MAPK8IP3: variants seen among roughly 807,000 people sequenced by gnomAD.
The protein encoded by MAPK8IP3 is mitogen-activated protein kinase 8 interacting protein 3, also known as C-Jun-amino-terminal kinase-interacting protein 3.
In MAPK8IP3, 49 loss-of-function variants were observed where a neutral mutation model predicts 157.8. That is an observed-to-expected ratio of 0.31 (90% confidence interval 0.25 to 0.39). The LOEUF (loss-of-function observed/expected upper bound fraction) is 0.39, where lower values mean the gene tolerates loss of function less well. Among genes scored for constraint, MAPK8IP3 ranks in the 10% least tolerant of loss-of-function variants. MAPK8IP3 has a pLI of 1.00. For synonymous variants in MAPK8IP3, 897 were observed against 777.7 expected (o/e 1.15, Z -2.55); for missense variants, 1,478 against 1,889.4 (o/e 0.78, Z 4.04).
At chr16:1,711,957 A>AG (rs1332486114) in intron 1 of MAPK8IP3, among the ~76,000 whole-genome samples, 1 of 150,464 alleles carries the variant, frequency 6.6e-6, no homozygotes, top group South Asian at 2.1e-4. Flanking sequence ...AAAAAAAAAA[A>AG]GAAAAAAAAA....
chr16:1,767,764 GGGT>G, intron 27 of MAPK8IP3, 29 bp downstream of exon 27: 2 of 1,611,920 alleles, frequency 1.2e-6, no homozygotes, highest in East Asian at 2.2e-5. Context: ...TGGGGTGGTG[GGGT>G]GCTCAAGGCC....
intron 4 of MAPK8IP3, among the ~76,000 whole-genome samples, chr16:1,736,048 G>A (rs566528369): frequency 2.6e-4 from 33 of 127,148 alleles, no homozygotes; most frequent in African/African-American, 9.5e-4. Flanking sequence ...CCGTGTGAGC[G>A]TGTGACCGTC....
At chr16:1,758,295 T>A (rs2041736343) in intron 9 of MAPK8IP3, 136 bp downstream of exon 9, 2 of 977,364 alleles carry the variant, frequency 2.0e-6, no homozygotes, top group Non-Finnish European at 3.1e-6. Context: ...CTGCTTCTGC[T>A]CGCAGCCACC....
chr16:1,767,314 GC>G lies in MAPK8IP3; in HGVS notation c.3237+21del. On this transcript the variant is annotated intron_variant, in intron 26 of 31. Coordinates refer to ENST00000610761, the MANE Select transcript of MAPK8IP3 (RefSeq NM_001318852.2). ...CAGATAGAGGCGAGTGCCGGCCAGG[GC>G]CCCGGGGAGGGGAAGAGGCTCCTGC... is the stretch of plus-strand genomic sequence containing the variant. The G allele has an allele frequency of 1.2e-6, 2 of 1,612,394 alleles. No homozygotes were observed. The highest frequency in any genetic ancestry group is 1.7e-6 in the Non-Finnish European group (2 of 1,179,640).
chr16:1,767,705 G>A lies in MAPK8IP3; in HGVS notation c.3379G>A (p.Asp1127Asn). The part of the protein sequence containing the change: ...AHTHQHLQDV[D>N]IEPYVSKMLG... ...CACGCACCAGCATCTACAGGACGTG[G>A]ACATTGAGCCCTACGTCAGCAAGAT... The change falls in exon 27 of 32, where the codon GAC becomes AAC. Residue 1127 changes from aspartate to asparagine, a missense_variant. This residue lies in a region of MAPK8IP3 where 68 missense variants were observed against 125.1 expected (regional missense o/e 0.54). Transcript: ENST00000610761. 6.2e-7 allele frequency: 1 copy of A among 1,612,792 alleles called. No homozygotes were observed. The highest frequency in any genetic ancestry group is 8.5e-7 in the Non-Finnish European group (1 of 1,179,966).
intron 1 of MAPK8IP3, among the ~76,000 whole-genome samples, chr16:1,717,251 A>AG (rs34887531): frequency 0.079 from 11,570 of 147,182 alleles, 566 homozygotes; most frequent in African/African-American, 0.13. Context: ...AAAAAAAAAA[A>AG]AAAGAAAGAA....
intron 1 of MAPK8IP3, among the ~76,000 whole-genome samples, chr16:1,721,584 G>C (rs1304887042): frequency 1.3e-5 from 2 of 152,082 alleles, no homozygotes; most frequent in African/African-American, 2.4e-5. Flanking sequence ...CAGCCTCCCA[G>C]CTCACTGGAA....
At position 1,741,414 on chromosome 16, in the gene MAPK8IP3, A is replaced by T. The variant is rs1001624995; in HGVS notation, c.603-1918A>T. Among the ~76,000 whole-genome samples the T allele has an allele frequency of 6.6e-6, 1 of 152,120 alleles. No homozygotes were observed. Among genetic ancestry groups the T allele is most frequent in the South Asian group, 2.1e-4 (1 of 4,824 alleles). On this transcript the variant is annotated intron_variant, in intron 4 of 31. Coordinates refer to ENST00000610761, the MANE Select transcript of MAPK8IP3 (RefSeq NM_001318852.2). This position sits in a 1 kb window ranked among gnomAD's most constrained non-coding sequence, Gnocchi z 6.9. ...TGGTGGCCTGGCTGAGCCGTGGCCCAGCATGGAGCTGTGTGGGTGGGAGAG... is the reference window on the plus strand; with the variant it reads ...TGGTGGCCTGGCTGAGCCGTGGCCCTGCATGGAGCTGTGTGGGTGGGAGAG...
rs537604826 is a variant in MAPK8IP3, at chr16:1,741,384, G to A, written c.603-1948G>A. 3.6e-4 allele frequency among the ~76,000 whole-genome samples: 55 copies of A among 152,252 alleles called. No homozygotes were observed. Among genetic ancestry groups the A allele is most frequent in the African/African-American group, 1.2e-3 (51 of 41,546 alleles). On this transcript the variant is annotated intron_variant, in intron 4 of 31. Transcript: ENST00000610761. This position sits in a 1 kb window ranked among gnomAD's most constrained non-coding sequence, Gnocchi z 6.9. ...CTCCTGATCCTGGGTGATTTCTGTC[G>A]GAGGTGGTGGCCTGGCTGAGCCGTG...
Position 1,769,166 on chromosome 16 carries a change from C to G in MAPK8IP3, c.*342C>G, listed in dbSNP as rs766865742. 5 of 316,238 alleles carry G rather than the reference C, an allele frequency of 1.6e-5. No individual in the cohort carries two copies. The highest frequency in any genetic ancestry group is 2.4e-5 in the Non-Finnish European group (4 of 165,666). 19.6% of individuals were successfully genotyped at this position (316,238 alleles called of 1,614,324 possible). On this transcript the variant is annotated 3_prime_UTR_variant, in exon 32 of 32. Transcript: ENST00000610761. ...TCCTGGCTCTACCCTGGGCCTCCTA[C>G]TCCCCAGCACCCCTGGAGGAGGCAG... is the stretch of plus-strand genomic sequence containing the variant.
chr16:1,739,254 G>T lies in MAPK8IP3; in HGVS notation c.603-4078G>T, dbSNP rs184628345. Among the ~76,000 whole-genome samples, 1,023 of 125,952 alleles carry T rather than the reference G, an allele frequency of 8.1e-3. 19 individuals are homozygous for T. The highest frequency in any genetic ancestry group is 0.031 in the African/African-American group (970 of 31,044). 82.6% of individuals were successfully genotyped at this position (125,952 alleles called of 152,430 possible). ...TCCGTGAGAGTGTGACCATCCATGT[G>T]AGCATCTGTGTGACCGTCCGTGTGA... On this transcript the variant is annotated intron_variant, in intron 4 of 31. Transcript: ENST00000610761.
intron 9 of MAPK8IP3, 143 bp from the exon 10 acceptor site, chr16:1,758,835 A>G (rs1479183066): frequency 1.3e-6 from 1 of 785,448 alleles, no homozygotes; most frequent in African/African-American, 1.7e-5. Context: ...TCCCTCCTGC[A>G]CCCACCCTAA....
intron 20 of MAPK8IP3, 128 bp downstream of exon 20, chr16:1,765,306 C>T (rs576643881): frequency 4.3e-5 from 50 of 1,160,034 alleles, no homozygotes; most frequent in Middle Eastern, 2.7e-4. Flanking sequence ...TGGCAGTGGA[C>T]GGTGGGAGGG....
chr16:1,765,871 C>T lies in MAPK8IP3; in HGVS notation c.2447-89C>T, dbSNP rs142741350. The T allele has an allele frequency of 8.3e-5, 104 of 1,256,766 alleles. 1 individual carries two copies. The African/African-American group carries it at 1.1e-3, about 14-fold the overall frequency. The allele number at this position is 1,256,766 out of a possible 1,614,324, so 77.9% of individuals were successfully genotyped here. ...TGCTGGGAAAGTGGAAGGCCAGCCC[C>T]GGCTTCCTCTGCCCCTGTGTAAGTG... On this transcript the variant is annotated intron_variant, in intron 20 of 31. Coordinates refer to ENST00000610761, the MANE Select transcript of MAPK8IP3 (RefSeq NM_001318852.2).
chr16:1,732,135 G>C (rs1255503303), intron 4 of MAPK8IP3, among the ~76,000 whole-genome samples: 2 of 152,218 alleles, frequency 1.3e-5, no homozygotes, highest in Admixed American at 6.5e-5. Flanking sequence ...CCAGAGACGC[G>C]ACCTGGGCTG....
At position 1,765,147 on chromosome 16, in the gene MAPK8IP3, C is replaced by A; in HGVS notation, c.2415C>A (p.Asn805Lys). 5 of 1,608,262 alleles carry A rather than the reference C, an allele frequency of 3.1e-6. No individual in the cohort carries two copies. The highest frequency in any genetic ancestry group is 4.3e-6 in the Non-Finnish European group (5 of 1,176,230). The change falls in exon 20 of 32, where the codon AAC (asparagine) becomes AAA (lysine). Residue 805 changes from asparagine to lysine, a missense_variant. Transcript: ENST00000610761. The part of the protein sequence containing the change: ...GTVVDQFTVC[N>K]AHVLCISSIP... Reference sequence around the variant, plus strand: ...TGGTGGACCAGTTCACCGTCTGCAACGCGCACGTGCTGTGCATCTCCAGCA... The same window carrying A: ...TGGTGGACCAGTTCACCGTCTGCAAAGCGCACGTGCTGTGCATCTCCAGCA...
chr16:1,729,159 A>G lies in MAPK8IP3; in HGVS notation c.461A>G (p.Glu154Gly). 6.2e-7 allele frequency: 1 copy of G among 1,614,058 alleles called. No homozygotes were observed. Among genetic ancestry groups the G allele is most frequent in the Non-Finnish European group, 8.5e-7 (1 of 1,179,986 alleles). ...ADQISRLEER[E>G]SEMKKEYNAL... ...CCAGTTTCCCGGTTGGAGGAGCGGGAGTCGGAGATGAAGAAGGAGTACAAT... is the reference window on the plus strand; with the variant it reads ...CCAGTTTCCCGGTTGGAGGAGCGGGGGTCGGAGATGAAGAAGGAGTACAAT... The change falls in exon 3 of 32, where the codon GAG (glutamate) becomes GGG (glycine). Residue 154 changes from glutamate to glycine, a missense_variant. Glu to Gly is a moderately conservative substitution (Grantham distance 98). This residue lies in a region of MAPK8IP3 where 315 missense variants were observed against 394.4 expected (regional missense o/e 0.80). Transcript: ENST00000610761.
Position 1,706,606 on chromosome 16 carries a change from G to A in MAPK8IP3, c.267G>A (p.Gln89=). ...ELELLREDNE[Q]LLTQYEREKA... ...AGCTGCTGCGCGAGGACAACGAGCA[G>A]CTGCTCACCCAGTACGAGCGTGAGA... Residue 89 remains glutamine, a synonymous_variant, in exon 1 of 32, where the codon CAG becomes CAA. Coordinates refer to ENST00000610761, the MANE Select transcript of MAPK8IP3 (RefSeq NM_001318852.2). This position sits in a 1 kb window ranked among gnomAD's most constrained non-coding sequence, Gnocchi z 5.1. The A allele has an allele frequency of 6.2e-7, 1 of 1,601,292 alleles. No homozygotes were observed. The highest frequency in any genetic ancestry group is 8.5e-7 in the Non-Finnish European group (1 of 1,174,268).
chr16:1,758,246 G>A (rs978312270), intron 9 of MAPK8IP3, 87 bp downstream of exon 9: 122 of 1,504,190 alleles, frequency 8.1e-5, no homozygotes, highest in Non-Finnish European at 1.0e-4. Flanking sequence ...TCCCGTCACC[G>A]TGGCTGTGTG....
Sources: gnomAD v4.1 joint callset for allele counts (sites outside exome capture counted in the v4.1 genomes callset) on GRCh38, gnomAD v4.1.1 for gene constraint, gnomAD v4.1.1 regional missense constraint, Gnocchi (gnomAD v3.1) non-coding constraint, MANE v1.5 for transcripts, NCBI Gene and HGNC (gene_info 2026-07-23, HGNC 2026-07-21) for gene names.